LRP11: variants seen among roughly 807,000 people sequenced by gnomAD.
The protein encoded by LRP11 is LDL receptor related protein 11, also known as low-density lipoprotein receptor-related protein 11.
LRP11 carries 25 observed loss-of-function variants against 43.1 expected under a neutral mutation model. The ratio of observed to expected loss-of-function variants is 0.58; its 90% CI spans 0.42 to 0.81. The LOEUF is 0.81. Ranked by LOEUF, LRP11 falls within the 30% of genes least tolerant of loss-of-function variation. The pLI, the probability that LRP11 is intolerant of heterozygous loss-of-function variation, is 0.00. For synonymous variants in LRP11, 316 were observed against 299.4 expected (o/e 1.06, Z -0.57); for missense variants, 623 against 665.1 (o/e 0.94, Z 0.70).
At chr6:149,862,933 A>C (rs1378811131) in intron 1 of LRP11, among the ~76,000 whole-genome samples, 3 of 152,032 alleles carry the variant, frequency 2.0e-5, no homozygotes, top group Non-Finnish European at 4.4e-5. Context: ...ACTTTTTATA[A>C]AAGGGACCAG....
rs183010020 is a variant in LRP11, at chr6:149,836,860, C to T, written c.1039+478G>A. 8.2e-4 allele frequency among the ~76,000 whole-genome samples: 125 copies of T among 151,950 alleles called. 1 individual carries two copies. Among genetic ancestry groups the T allele is most frequent in the Admixed American group, 7.9e-3 (121 of 15,232 alleles). On this transcript the variant is annotated intron_variant, in intron 4 of 6. Transcript: ENST00000239367. ...AAAAAAGAAATGGACAAAGACTAAA[C>T]GTAAACTTAAGGTTTTGAGACTCTT...
At position 149,827,834 on chromosome 6, in the gene LRP11, C is replaced by T. The variant is rs997606298; in HGVS notation, c.1253-1475G>A. On this transcript the variant is annotated intron_variant, in intron 5 of 6. Transcript: ENST00000239367. This position sits in a 1 kb window ranked among gnomAD's most constrained non-coding sequence, Gnocchi z 4.2. ...CCGCACGCAGTGGCTCATGCCTGGC[C>T]AACATGGCAAAACCCTGTCTCTACT... Among the ~76,000 whole-genome samples the T allele has an allele frequency of 6.6e-6, 1 of 152,128 alleles. No individual in the cohort carries two copies. The highest frequency in any genetic ancestry group is 1.5e-5 in the Non-Finnish European group (1 of 68,028).
intron 1 of LRP11, among the ~76,000 whole-genome samples, chr6:149,860,991 A>AC (rs1477057167): frequency 6.6e-6 from 1 of 152,154 alleles, no homozygotes; most frequent in African/African-American, 2.4e-5. Flanking sequence ...ACCTAACACC[A>AC]AAGTCAACAA....
intron 2 of LRP11, among the ~76,000 whole-genome samples, chr6:149,846,185 G>C (rs1417109938): frequency 6.6e-6 from 1 of 152,208 alleles, no homozygotes; most frequent in Non-Finnish European, 1.5e-5. Context: ...GCAAGGTGCA[G>C]GTGGTGAAGC....
chr6:149,842,594 C>A (rs1395653893), intron 3 of LRP11: 6 of 1,538,934 alleles, frequency 3.9e-6, no homozygotes. Flanking sequence ...CGCCATTCCA[C>A]TCTCTGCTTC....
rs989153811 is a variant in LRP11, at chr6:149,863,823, C to T, written c.198G>A (p.Leu66=). The T allele has an allele frequency of 5.3e-6, 8 of 1,509,866 alleles. No individual in the cohort carries two copies. Among genetic ancestry groups the T allele is most frequent in the Middle Eastern group, 4.4e-4 (2 of 4,576 alleles). The allele number at this position is 1,509,866 out of a possible 1,614,324, so 93.5% of individuals were successfully genotyped here. Residue 66 remains leucine, a synonymous_variant, in exon 1 of 7, where the codon CTG becomes CTA. Transcript: ENST00000239367. The part of the protein sequence containing the change: ...EQLLEEFRRQ[L]QQERPQEELE... ...GCTCCTCCTGAGGCCGCTCCTGCTG[C>T]AGTTGCCGGCGGAACTCCTCCAGCA...
chr6:149,851,077 T>G (rs1776711872), intron 2 of LRP11, among the ~76,000 whole-genome samples: 1 of 152,196 alleles, frequency 6.6e-6, no homozygotes, highest in Non-Finnish European at 1.5e-5. Flanking sequence ...CACAAATTGG[T>G]AACAGATGTT....
intron 1 of LRP11, among the ~76,000 whole-genome samples, chr6:149,858,757 A>AT: frequency 6.6e-6 from 1 of 152,192 alleles, no homozygotes. Context: ...AAGCTTCACA[A>AT]TTGCCACTTG....
rs748237888 is a variant in LRP11, at chr6:149,863,691, G to A, written c.330C>T (p.Ser110=). 1.4e-6 allele frequency: 2 copies of A among 1,479,658 alleles called. No homozygotes were observed. Among genetic ancestry groups the A allele is most frequent in the South Asian group, 2.5e-5 (2 of 78,716 alleles). The allele number at this position is 1,479,658 out of a possible 1,614,324, so 91.7% of individuals were successfully genotyped here. A position where few individuals can be genotyped will look rare whatever the true frequency, so the allele number is the denominator to read the frequency against. Residue 110 remains serine, a synonymous_variant, in exon 1 of 7, where the codon TCC becomes TCT. Transcript: ENST00000239367. The stretch of plus-strand genomic sequence containing the variant: ...GCAGGAAGCTGGCACCCGCCGCCAG[G>A]GAGTCCTTGGTGCGGATGATGGCGT... ...MPDAIIRTKD[S]LAAGASFLRA...
At chr6:149,837,593 T>A in intron 3 of LRP11, 130 bp from the exon 4 acceptor site, 2 of 914,332 alleles carry the variant, frequency 2.2e-6, no homozygotes, top group Non-Finnish European at 3.3e-6. Flanking sequence ...GAGGCAAACC[T>A]AACAATTCCA....
At chr6:149,853,785 T>C (rs1776758507) in intron 1 of LRP11, among the ~76,000 whole-genome samples, 1 of 152,228 alleles carries the variant, frequency 6.6e-6, no homozygotes, top group Admixed American at 6.5e-5. Flanking sequence ...GTGCTGGGAT[T>C]AGCAGCGTGA....
intron 3 of LRP11, among the ~76,000 whole-genome samples, chr6:149,837,855 C>T (rs1776493829): frequency 6.6e-6 from 1 of 152,132 alleles, no homozygotes; most frequent in African/African-American, 2.4e-5. Flanking sequence ...TGCAGGAGGG[C>T]ACCTAATACC....
chr6:149,855,989 G>A (rs897201611), intron 1 of LRP11, among the ~76,000 whole-genome samples: 1 of 152,200 alleles, frequency 6.6e-6, no homozygotes, highest in Non-Finnish European at 1.5e-5. Context: ...TCCTTTCATA[G>A]TGTTGACCTT....
intron 3 of LRP11, among the ~76,000 whole-genome samples, chr6:149,839,070 T>G (rs1442042379): frequency 4.0e-5 from 6 of 151,716 alleles, no homozygotes; most frequent in East Asian, 3.9e-4. Flanking sequence ...TGTTTTTTTT[T>G]TTTTTGTAGA....
At chr6:149,849,781 A>C (rs936235149) in intron 2 of LRP11, among the ~76,000 whole-genome samples, 4 of 152,218 alleles carry the variant, frequency 2.6e-5, no homozygotes, top group Non-Finnish European at 5.9e-5. Context: ...CAGGAACATG[A>C]GCTTTCCTGT....
chr6:149,859,397 T>TATA (rs1491456220), intron 1 of LRP11, among the ~76,000 whole-genome samples: 36 of 72,984 alleles, frequency 4.9e-4, no homozygotes, highest in Middle Eastern at 8.3e-3. Context: ...TATATATATA[T>TATA]TTTTTTTTTT....
intron 1 of LRP11, among the ~76,000 whole-genome samples, chr6:149,855,378 T>A (rs1776782867): frequency 6.6e-6 from 1 of 152,080 alleles, no homozygotes; most frequent in South Asian, 2.1e-4. Context: ...ACCCTAAAGA[T>A]TAGACTGAAT....
In LRP11 at chr6:149,827,877, T is replaced by C. The variant is rs1187918660; in HGVS notation, c.1253-1518A>G. Among the ~76,000 whole-genome samples the C allele has an allele frequency of 2.0e-5, 3 of 152,046 alleles. No individual in the cohort carries two copies. Among genetic ancestry groups the C allele is most frequent in the Non-Finnish European group, 2.9e-5 (2 of 68,010 alleles). On this transcript the variant is annotated intron_variant, in intron 5 of 6. Transcript: ENST00000239367. The surrounding 1 kb of genome is among the most constrained non-coding windows in gnomAD (Gnocchi z 4.2). The stretch of plus-strand genomic sequence containing the variant: ...TCTCTACTTAAAATACAAAAAAAAT[T>C]AGCCAGGCATGGTGGGCGCCTGTAG...
intron 3 of LRP11, among the ~76,000 whole-genome samples, chr6:149,841,877 A>G (rs1246467843): frequency 6.6e-6 from 1 of 151,986 alleles, no homozygotes; most frequent in African/African-American, 2.4e-5. Context: ...GCACCACTGC[A>G]CTCCCACTCC....
Sources: gnomAD v4.1 joint callset for allele counts (sites outside exome capture counted in the v4.1 genomes callset) on GRCh38, gnomAD v4.1.1 for gene constraint, Gnocchi (gnomAD v3.1) non-coding constraint, MANE v1.5 for transcripts, NCBI Gene and HGNC (gene_info 2026-07-23, HGNC 2026-07-21) for gene names.